The following EVC2 variants were observed in gnomAD, a reference collection of about 807,000 sequenced individuals.
EVC2 encodes EvC ciliary complex subunit 2, also known as limbin.
A neutral mutation model predicts 149.3 loss-of-function variants in EVC2; 148 were observed. The observed-to-expected ratio is 0.99, with a 90% CI of 0.87 to 1.14. The LOEUF (loss-of-function observed/expected upper bound fraction) is 1.14, where lower values mean the gene tolerates loss of function less well. EVC2 is among the 50% of genes most tolerant of loss of function. The pLI is 0.00. For missense variants in EVC2, 1,854 were observed against 1,627.3 expected (o/e 1.14, Z -2.40); for synonymous variants, 776 against 649.9 (o/e 1.19, Z -2.95).
intron 11 of EVC2, among the ~76,000 whole-genome samples, chr4:5,631,577 A>G (rs957723494): frequency 2.1e-4 from 31 of 144,382 alleles, no homozygotes; most frequent in East Asian, 1.3e-3. Context: ...TGGGGGGGGG[A>G]ACTGAAATTC....
chr4:5,589,314 G>T (rs994406742), intron 16 of EVC2, among the ~76,000 whole-genome samples: 1 of 152,196 alleles, frequency 6.6e-6, no homozygotes, highest in Non-Finnish European at 1.5e-5. Flanking sequence ...TGGGTGGAAG[G>T]AACTGTCACT....
chr4:5,594,698 C>A (rs1169816478), intron 16 of EVC2, among the ~76,000 whole-genome samples: 1 of 152,194 alleles, frequency 6.6e-6, no homozygotes, highest in Non-Finnish European at 1.5e-5. Context: ...TCCTCACCAG[C>A]AACGGAACAA....
chr4:5,685,519 G>C (rs759358779), intron 5 of EVC2, 40 bp from the exon 6 acceptor site: 3 of 1,581,836 alleles, frequency 1.9e-6, no homozygotes, highest in South Asian at 1.1e-5. Flanking sequence ...GGAGGGCTTG[G>C]CCACGCCCCC....
In EVC2 at chr4:5,684,682, G is replaced by A. The variant is rs1355711345; in HGVS notation, c.816+688C>T. Among the ~76,000 whole-genome samples the A allele has an allele frequency of 3.3e-5, 5 of 152,228 alleles. 1 individual carries two copies. Among genetic ancestry groups the A allele is most frequent in the African/African-American group, 1.2e-4 (5 of 41,458 alleles). ...AGATGGGGAGACTCACAGTAATGGT[G>A]TTATGGGCCAGACTGTGTTTCCCAA... On this transcript the variant is annotated intron_variant, in intron 6 of 21. Coordinates refer to ENST00000344408, the MANE Select transcript of EVC2 (RefSeq NM_147127.5).
At position 5,686,127 on chromosome 4, in the gene EVC2, C is replaced by CACACACACACACACACACACATAT. The variant is rs71171411; in HGVS notation, c.707-649_707-648insATATGTGTGTGTGTGTGTGTGTGT. Among the ~76,000 whole-genome samples the CACACACACACACACACACACATAT allele has an allele frequency of 4.0e-5, 6 of 149,660 alleles. No individual in the cohort carries two copies. Among genetic ancestry groups the CACACACACACACACACACACATAT allele is most frequent in the African/African-American group, 1.2e-4 (5 of 40,224 alleles). ...ACACACACACACACACACACACACA[C>CACACACACACACACACACACATAT]AGAGTAAAGAAAAGAGGAGGAACGC... On this transcript the variant is annotated intron_variant, in intron 5 of 21. Coordinates refer to ENST00000344408, the MANE Select transcript of EVC2 (RefSeq NM_147127.5). This position sits in a 1 kb window ranked among gnomAD's most constrained non-coding sequence, Gnocchi z 5.4.
intron 6 of EVC2, among the ~76,000 whole-genome samples, chr4:5,682,157 G>C (rs1720389043): frequency 6.6e-6 from 1 of 152,182 alleles, no homozygotes; most frequent in Non-Finnish European, 1.5e-5. Flanking sequence ...ATTGGTGGCT[G>C]TAGGTAGTAG....
chr4:5,547,783 A>C (rs73070499), intron 21 of EVC2, among the ~76,000 whole-genome samples: 387 of 152,264 alleles, frequency 2.5e-3, no homozygotes, highest in African/African-American at 7.7e-3. Context: ...GAGCTATAAC[A>C]CAAACAGGGC....
intron 16 of EVC2, among the ~76,000 whole-genome samples, chr4:5,604,857 C>T (rs535898831): frequency 3.3e-5 from 5 of 151,842 alleles, no homozygotes; most frequent in African/African-American, 7.3e-5. Flanking sequence ...TTAAGTTACA[C>T]TGAGGGTGCC....
intron 16 of EVC2, among the ~76,000 whole-genome samples, chr4:5,592,326 T>C (rs1373860199): frequency 1.3e-5 from 2 of 152,288 alleles, no homozygotes; most frequent in South Asian, 4.1e-4. Flanking sequence ...TAATCACAAA[T>C]GCCCTCCTTG....
intron 7 of EVC2, among the ~76,000 whole-genome samples, chr4:5,669,093 A>G (rs1219956019): frequency 6.6e-6 from 1 of 152,218 alleles, no homozygotes; most frequent in Non-Finnish European, 1.5e-5. Flanking sequence ...AGGATTTCTG[A>G]GCCACCAGAA....
At position 5,625,699 on chromosome 4, in the gene EVC2, G is replaced by C; in HGVS notation, c.2046+50C>G. On this transcript the variant is annotated intron_variant, in intron 13 of 21. Coordinates refer to ENST00000344408, the MANE Select transcript of EVC2 (RefSeq NM_147127.5). This position sits in a 1 kb window ranked among gnomAD's most constrained non-coding sequence, Gnocchi z 4.0. ...TGGCACAGTACCTGGCACTTGATGG[G>C]TATCAGAAAGTGCCTATGCAAAGAA... is the stretch of plus-strand genomic sequence containing the variant. 2 of 1,608,210 alleles carry C rather than the reference G, an allele frequency of 1.2e-6. No individual in the cohort carries two copies.
intron 13 of EVC2, 124 bp from the exon 14 acceptor site, chr4:5,623,115 G>A (rs1467756270): frequency 1.1e-6 from 1 of 947,582 alleles, no homozygotes; most frequent in Non-Finnish European, 1.5e-6. Flanking sequence ...TCTCACATTT[G>A]GAAGTTATTC....
At chr4:5,589,740 T>C (rs925106656) in intron 16 of EVC2, among the ~76,000 whole-genome samples, 2 of 152,152 alleles carry the variant, frequency 1.3e-5, no homozygotes, top group African/African-American at 4.8e-5. Context: ...ATTTTGTTTG[T>C]TTTGTTTTAG....
chr4:5,564,208 C>G (rs533608599), intron 21 of EVC2, among the ~76,000 whole-genome samples: 1 of 152,350 alleles, frequency 6.6e-6, no homozygotes, highest in East Asian at 1.9e-4. Context: ...AAACCCAGCT[C>G]TGTGTCTCCA....
In EVC2 at chr4:5,628,496, C is replaced by T. The variant is rs1716286086; in HGVS notation, c.1886+63G>A. 7 of 1,592,186 alleles carry T rather than the reference C, an allele frequency of 4.4e-6. No individual in the cohort carries two copies. The South Asian group carries it at 6.6e-5, about 15-fold the overall frequency. On this transcript the variant is annotated intron_variant, in intron 12 of 21. Transcript: ENST00000344408. ...TATAAATTACCCAGTCTGTGGTATT[C>T]TGTCATAGCAGCAGAAAACAGACTA...
intron 2 of EVC2, among the ~76,000 whole-genome samples, chr4:5,695,848 T>C (rs1721441820): frequency 2.0e-5 from 3 of 152,182 alleles, no homozygotes; most frequent in South Asian, 2.1e-4. Context: ...AAACTTTCTA[T>C]AGAATTTCAA....
At chr4:5,621,667 G>T (rs1177490290) in intron 14 of EVC2, among the ~76,000 whole-genome samples, 1 of 152,186 alleles carries the variant, frequency 6.6e-6, no homozygotes, top group African/African-American at 2.4e-5. Flanking sequence ...GGGAAGTAAA[G>T]AACTGTGGGC....
At chr4:5,635,686 A>C (rs1376556851) in intron 10 of EVC2, among the ~76,000 whole-genome samples, 1 of 152,204 alleles carries the variant, frequency 6.6e-6, no homozygotes, top group Admixed American at 6.5e-5. Context: ...TGTTTTATAA[A>C]AACAAATCCA....
downstream of EVC2, among the ~76,000 whole-genome samples, chr4:5,561,972 A>C (rs2108764135): frequency 6.6e-6 from 1 of 152,192 alleles, no homozygotes; most frequent in African/African-American, 2.4e-5. Flanking sequence ...GGCTGACACC[A>C]TGATGTGGCC....
Sources: gnomAD v4.1 joint callset for allele counts (sites outside exome capture counted in the v4.1 genomes callset) on GRCh38, gnomAD v4.1.1 for gene constraint, Gnocchi (gnomAD v3.1) non-coding constraint, MANE v1.5 for transcripts, NCBI Gene and HGNC (gene_info 2026-07-23, HGNC 2026-07-21) for gene names.